The following STXBP5L variants were observed in gnomAD, a reference collection of about 807,000 sequenced individuals.
STXBP5L encodes syntaxin-binding protein 5-like.
Under a neutral mutation model 144.5 loss-of-function variants are expected in STXBP5L, and 65 were observed. That is an observed-to-expected ratio of 0.45 (90% CI 0.37 to 0.55). The LOEUF is 0.55. STXBP5L is among the 20% of genes least tolerant of loss of function. The probability of loss-of-function intolerance (pLI) is 0.00; values close to 1 mark genes in which losing one functional copy is unlikely to be tolerated. For synonymous variants in STXBP5L, 505 were observed against 469.6 expected, an observed-to-expected ratio of 1.08 and a Z score of -0.97; for missense variants, 1,298 against 1,405.5, an observed-to-expected ratio of 0.92 and a Z score of 1.22.
intron 3 of STXBP5L, among the ~76,000 whole-genome samples, chr3:121,001,013 G>A (rs376162751): frequency 6.6e-6 from 1 of 152,170 alleles, no homozygotes; most frequent in South Asian, 2.1e-4. Flanking sequence ...GGGGAAGGGG[G>A]TAAGTGTTTC....
chr3:121,091,367 A>G (rs2042783074), intron 5 of STXBP5L, among the ~76,000 whole-genome samples: 1 of 150,004 alleles, frequency 6.7e-6, no homozygotes, highest in African/African-American at 2.5e-5. Context: ...GACTTCCACA[A>G]TGGTTGAACT....
chr3:120,976,463 G>T (rs538835144), intron 3 of STXBP5L, among the ~76,000 whole-genome samples: 7 of 151,892 alleles, frequency 4.6e-5, no homozygotes, highest in African/African-American at 9.7e-5. Flanking sequence ...TGCTAGCAGT[G>T]TATCAATTTT....
chr3:121,337,998 T>C (rs2044567099), intron 20 of STXBP5L, among the ~76,000 whole-genome samples: 1 of 152,126 alleles, frequency 6.6e-6, no homozygotes, highest in South Asian at 2.1e-4. Context: ...AAAAATTCTT[T>C]AAAGTGAATG....
At chr3:121,051,430 A>T (rs1465079062) in intron 5 of STXBP5L, among the ~76,000 whole-genome samples, 7 of 152,154 alleles carry the variant, frequency 4.6e-5, no homozygotes, top group Non-Finnish European at 8.8e-5. Context: ...GGATTAAGAA[A>T]CTCACTCAAA....
At chr3:121,372,828 A>C (rs564634270) in intron 20 of STXBP5L, among the ~76,000 whole-genome samples, 1 of 152,276 alleles carries the variant, frequency 6.6e-6, no homozygotes, top group South Asian at 2.1e-4. Context: ...CTGTTGGAAA[A>C]AAATTAATTA....
chr3:121,083,372 G>GT (rs1049115042), intron 5 of STXBP5L, among the ~76,000 whole-genome samples: 3 of 151,864 alleles, frequency 2.0e-5, no homozygotes, highest in Non-Finnish European at 4.4e-5. Flanking sequence ...GTTAAAATTG[G>GT]TATCAATTGT....
chr3:121,392,143 C>T (rs529240424), intron 22 of STXBP5L, among the ~76,000 whole-genome samples: 7 of 151,074 alleles, frequency 4.6e-5, no homozygotes, highest in Non-Finnish European at 1.0e-4. Context: ...TGCCACCTTG[C>T]AGATCAATCT....
intron 3 of STXBP5L, among the ~76,000 whole-genome samples, chr3:121,004,162 T>C (rs1485289242): frequency 6.6e-6 from 1 of 152,210 alleles, no homozygotes; most frequent in African/African-American, 2.4e-5. Context: ...TTTCATGATA[T>C]TGATTCTTCC....
intron 6 of STXBP5L, among the ~76,000 whole-genome samples, chr3:121,118,865 A>G (rs1303369150): frequency 2.0e-5 from 3 of 151,600 alleles, no homozygotes; most frequent in African/African-American, 4.8e-5. Flanking sequence ...GAGTAGGTTG[A>G]GAGTAAAATA....
chr3:121,171,190 G>T (rs1336021302), intron 9 of STXBP5L, among the ~76,000 whole-genome samples: 1 of 152,114 alleles, frequency 6.6e-6, no homozygotes, highest in Admixed American at 6.5e-5. Context: ...CAATAAACTA[G>T]GAATTGATGG....
rs144549181 is a variant in STXBP5L at position 121,001,031 on chromosome 3, C to T, written c.288-40669C>T. On this transcript the variant is annotated intron_variant, in intron 3 of 26. Coordinates refer to ENST00000471454, the MANE Select transcript of STXBP5L (RefSeq NM_001308330.2). ...GAAGGGGGTAAGTGTTTCTGGTCCT[C>T]TGGCAATGATACTGCATTGGTGGAT... Among the ~76,000 whole-genome samples the T allele has an allele frequency of 1.2e-4, 18 of 152,294 alleles. No homozygotes were observed. In the East Asian group the frequency reaches 3.5e-3, roughly 29 times the overall value.
rs536159338 is a variant in STXBP5L at position 121,125,466 on chromosome 3, A to G, written c.669+3762A>G. ...AGCCTGGGCAACAGAGCAAGACTCC[A>G]TCTCAAAAAAAAAATCAAGATAATG... is the stretch of plus-strand genomic sequence containing the variant. On this transcript the variant is annotated intron_variant, in intron 7 of 26. Coordinates refer to ENST00000471454, the MANE Select transcript of STXBP5L (RefSeq NM_001308330.2). Among the ~76,000 whole-genome samples the G allele has an allele frequency of 3.2e-4, 48 of 151,960 alleles. No homozygotes were observed. The South Asian group carries it at 9.8e-3, about 31-fold the overall frequency.
intron 5 of STXBP5L, among the ~76,000 whole-genome samples, chr3:121,097,722 T>C (rs752568395): frequency 4.6e-5 from 7 of 152,140 alleles, no homozygotes; most frequent in Non-Finnish European, 8.8e-5. Context: ...TCTGTGTCGA[T>C]CTCGCTGGGA....
intron 5 of STXBP5L, among the ~76,000 whole-genome samples, chr3:121,106,961 T>G (rs114157817): frequency 0.036 from 5,415 of 152,338 alleles, 146 homozygotes; most frequent in Middle Eastern, 0.082. Context: ...TGGTATTACA[T>G]TGTGGTTTTG....
chr3:121,327,590 C>G (rs995352777), intron 20 of STXBP5L, among the ~76,000 whole-genome samples: 2 of 152,140 alleles, frequency 1.3e-5, no homozygotes, highest in Non-Finnish European at 2.9e-5. Context: ...ATAGATGTAA[C>G]TAGGTAAGTG....
At chr3:121,392,771 A>G (rs577109261) in intron 22 of STXBP5L, among the ~76,000 whole-genome samples, 9 of 3,306 alleles carry the variant, frequency 2.7e-3, no homozygotes, top group Admixed American at 4.5e-3. Flanking sequence ...ATTTCATGGC[A>G]TATATATATA....
intron 2 of STXBP5L, among the ~76,000 whole-genome samples, chr3:120,937,615 C>G (rs919276848): frequency 1.3e-5 from 2 of 152,120 alleles, no homozygotes; most frequent in African/African-American, 4.8e-5. Flanking sequence ...TCTGATGGAT[C>G]TAAAGAAAGT....
chr3:121,173,969 C>A (rs959174001), intron 9 of STXBP5L, among the ~76,000 whole-genome samples: 1 of 151,876 alleles, frequency 6.6e-6, no homozygotes, highest in Non-Finnish European at 1.5e-5. Flanking sequence ...ATGTAAGAAC[C>A]GGAGGGATCA....
intron 19 of STXBP5L, among the ~76,000 whole-genome samples, chr3:121,301,314 G>T (rs2051894126): frequency 6.6e-6 from 1 of 152,160 alleles, no homozygotes; most frequent in Non-Finnish European, 1.5e-5. Flanking sequence ...AAGCAATTGT[G>T]AATGGGAGTT....
Sources: allele counts gnomAD v4.1 joint callset (sites outside exome capture counted in the v4.1 genomes callset), GRCh38; gene constraint gnomAD v4.1.1; transcripts MANE v1.5; gene names NCBI Gene and HGNC (gene_info 2026-07-23, HGNC 2026-07-21).